The following IQSEC1 variants were observed in gnomAD, a reference collection of about 807,000 sequenced individuals.
IQSEC1 encodes IQ motif and Sec7 domain ArfGEF 1.
IQSEC1 carries 31 observed loss-of-function variants against 91.0 expected under a neutral mutation model. The ratio of observed to expected loss-of-function variants is 0.34; its 90% CI spans 0.26 to 0.46. The LOEUF (loss-of-function observed/expected upper bound fraction) is 0.46, where lower values mean the gene tolerates loss of function less well. IQSEC1 is among the 20% of genes least tolerant of loss of function. The pLI is 1.00. For missense variants in IQSEC1, 1,388 were observed against 1,575.6 expected (o/e 0.88, Z 2.02); for synonymous variants, 699 against 662.6 (o/e 1.05, Z -0.84).
chr3:12,923,351 T>C (rs774598954), intron 4 of IQSEC1, among the ~76,000 whole-genome samples: 102 of 152,166 alleles, frequency 6.7e-4, no homozygotes, highest in Admixed American at 1.9e-3. Flanking sequence ...ACCAAGGAGC[T>C]CATGGGCTTT....
chr3:13,249,174 T>TC, intron 1 of IQSEC1, among the ~76,000 whole-genome samples: 1 of 146,864 alleles, frequency 6.8e-6, no homozygotes, highest in African/African-American at 2.5e-5. Flanking sequence ...TTTCTTTTTT[T>TC]TTTTTTTTTT....
At chr3:12,971,932 G>A (rs1290679901) in intron 1 of IQSEC1, among the ~76,000 whole-genome samples, 7 of 152,080 alleles carry the variant, frequency 4.6e-5, no homozygotes, top group Non-Finnish European at 1.0e-4. Context: ...TGAGGCAGGA[G>A]AATCACTTGA....
chr3:13,079,998 T>G (rs750408343), intron 2 of IQSEC1, among the ~76,000 whole-genome samples: 3 of 152,130 alleles, frequency 2.0e-5, no homozygotes, highest in Non-Finnish European at 4.4e-5. Context: ...GCCAGAAGCT[T>G]GTTAGGCAGA....
At chr3:13,126,512 T>C (rs1316572387) in intron 2 of IQSEC1, among the ~76,000 whole-genome samples, 1 of 152,258 alleles carries the variant, frequency 6.6e-6, no homozygotes, top group African/African-American at 2.4e-5. Flanking sequence ...TGTGGACATA[T>C]GCTTTCATCT....
intron 1 of IQSEC1, among the ~76,000 whole-genome samples, chr3:13,277,524 A>G (rs1695710462): frequency 6.6e-6 from 1 of 151,996 alleles, no homozygotes; most frequent in Non-Finnish European, 1.5e-5. Context: ...TCGGAGACAC[A>G]CTCCCTCGTC....
chr3:13,039,864 G>A (rs1217021109), intron 1 of IQSEC1, among the ~76,000 whole-genome samples: 1 of 152,232 alleles, frequency 6.6e-6, no homozygotes, highest in East Asian at 1.9e-4. Flanking sequence ...TCAGCTGGCA[G>A]CATGCAGCCT....
At chr3:13,086,296 C>T (rs935908084) in intron 2 of IQSEC1, among the ~76,000 whole-genome samples, 3 of 151,316 alleles carry the variant, frequency 2.0e-5, no homozygotes, top group African/African-American at 7.2e-5. Context: ...GGTTTGTGCC[C>T]ACCGTGGCGG....
chr3:13,195,139 T>C (rs1694103796), intron 1 of IQSEC1, among the ~76,000 whole-genome samples: 1 of 152,102 alleles, frequency 6.6e-6, no homozygotes, highest in Non-Finnish European at 1.5e-5. Context: ...ATGTTCAAAA[T>C]TGAACAGTAA....
intron 12 of IQSEC1, among the ~76,000 whole-genome samples, chr3:12,907,458 G>A (rs978317612): frequency 6.6e-6 from 1 of 152,202 alleles, no homozygotes; most frequent in Non-Finnish European, 1.5e-5. Flanking sequence ...GCAGCCCCAG[G>A]CAGTCCCCGG....
intron 1 of IQSEC1, among the ~76,000 whole-genome samples, chr3:13,248,039 G>A (rs890264319): frequency 7.2e-5 from 11 of 152,278 alleles, no homozygotes; most frequent in African/African-American, 2.6e-4. Context: ...GCCCCCTACA[G>A]GTTCTTAAGG....
rs1250560916 is a variant in IQSEC1, at chr3:12,900,139, TTA to T, written c.*842_*843del. 5 of 964,640 alleles carry T rather than the reference TTA, an allele frequency of 5.2e-6. No individual in the cohort carries two copies. The highest frequency in any genetic ancestry group is 6.2e-5 in the Admixed American group (1 of 16,232). 59.8% of individuals were successfully genotyped at this position (964,640 alleles called of 1,614,324 possible). On this transcript the variant is annotated 3_prime_UTR_variant, in exon 14 of 14. Transcript: ENST00000613206. The stretch of plus-strand genomic sequence containing the variant: ...TGAAATAACAGCATTATAATACTAT[TTA>T]TGATAGTATTCTGTTAATAAAATAA...
chr3:12,908,962 CAGA>C lies in IQSEC1; in HGVS notation c.2578+308_2578+310del, dbSNP rs1187354431. Among the ~76,000 whole-genome samples, 2 of 152,166 alleles carry C rather than the reference CAGA, an allele frequency of 1.3e-5. No individual in the cohort carries two copies. Among genetic ancestry groups the C allele is most frequent in the South Asian group, 2.1e-4 (1 of 4,832 alleles). On this transcript the variant is annotated intron_variant, in intron 11 of 13. Transcript: ENST00000613206. The surrounding 1 kb of genome is among the most constrained non-coding windows in gnomAD (Gnocchi z 4.9). The stretch of plus-strand genomic sequence containing the variant: ...ACCCATCAGTCGGTTGAGCCTGATG[CAGA>C]AGATGACGAGGTGCAGAGAGGCCAG...
At chr3:13,035,929 C>T (rs768076353) in intron 1 of IQSEC1, among the ~76,000 whole-genome samples, 2 of 152,200 alleles carry the variant, frequency 1.3e-5, no homozygotes, top group African/African-American at 2.4e-5. Context: ...TGGAGAGTCC[C>T]GTGCAGGTGT....
chr3:13,168,009 C>G (rs954117237), intron 1 of IQSEC1, among the ~76,000 whole-genome samples: 4 of 152,200 alleles, frequency 2.6e-5, no homozygotes, highest in Non-Finnish European at 4.4e-5. Flanking sequence ...CAATTGGCTC[C>G]AGTTTCCAGG....
chr3:13,015,744 C>T lies in IQSEC1; in HGVS notation c.23+57248G>A, dbSNP rs573112399. The T allele has an allele frequency of 4.1e-3, 4,005 of 985,390 alleles. 13 individuals are homozygous for T. Among genetic ancestry groups the T allele is most frequent in the Non-Finnish European group, 4.6e-3 (3,851 of 829,884 alleles). The allele number at this position is 985,390 out of a possible 1,614,324, so 61.0% of individuals were successfully genotyped here. A position where few individuals can be genotyped will look rare whatever the true frequency, so the allele number is the denominator to read the frequency against. On this transcript the variant is annotated intron_variant, in intron 1 of 13. Transcript: ENST00000613206. ...AAACCACACCCAGGGGAGAGGGTGC[C>T]AGGCACCCTGGGGCCCCCGCCCACC...
chr3:12,946,543 T>C (rs1393078188), intron 1 of IQSEC1, among the ~76,000 whole-genome samples: 1 of 152,324 alleles, frequency 6.6e-6, no homozygotes, highest in Non-Finnish European at 1.5e-5. Flanking sequence ...TCCACAGCAG[T>C]GTTGTTTCTG....
At chr3:13,171,689 A>C (rs529713211) in intron 1 of IQSEC1, among the ~76,000 whole-genome samples, 1 of 152,342 alleles carries the variant, frequency 6.6e-6, no homozygotes, top group South Asian at 2.1e-4. Flanking sequence ...AACAACATCT[A>C]TAGAGACCCA....
chr3:13,209,311 C>G (rs1005462073), intron 1 of IQSEC1, among the ~76,000 whole-genome samples: 5 of 152,220 alleles, frequency 3.3e-5, no homozygotes, highest in African/African-American at 1.2e-4. Flanking sequence ...ATCTCCATCT[C>G]TCTCCCTCCC....
chr3:13,180,042 C>T (rs1026349987), intron 1 of IQSEC1, among the ~76,000 whole-genome samples: 2 of 152,220 alleles, frequency 1.3e-5, no homozygotes, highest in African/African-American at 4.8e-5. Flanking sequence ...CCCCGACGAG[C>T]ACCGCACCCT....
Sources: allele counts gnomAD v4.1 joint callset (sites outside exome capture counted in the v4.1 genomes callset), GRCh38; gene constraint gnomAD v4.1.1; non-coding constraint Gnocchi (gnomAD v3.1); transcripts MANE v1.5; gene names NCBI Gene and HGNC (gene_info 2026-07-23, HGNC 2026-07-21).